The following WWC2 variants were observed in gnomAD, a reference collection of about 807,000 sequenced individuals.
WWC2 encodes the protein WW and C2 domain containing 2.
In WWC2, 101 loss-of-function variants were observed where a neutral mutation model predicts 138.5. The ratio of observed to expected loss-of-function variants is 0.73; its 90% CI spans 0.62 to 0.86. The LOEUF (loss-of-function observed/expected upper bound fraction) is 0.86. Ranked by LOEUF, WWC2 falls within the 40% of genes least tolerant of loss-of-function variation. The pLI is 0.00. For synonymous variants in WWC2, 558 were observed against 538.4 expected, an observed-to-expected ratio of 1.04 and a Z score of -0.50; for missense variants, 1,420 against 1,419.4, an observed-to-expected ratio of 1.00 and a Z score of -0.01.
chr4:183,225,836 G>C (rs1736055616), intron 4 of WWC2, among the ~76,000 whole-genome samples: 2 of 152,284 alleles, frequency 1.3e-5, no homozygotes, highest in South Asian at 4.1e-4. Context: ...ATGCTGTATT[G>C]GGGTGGGGAG....
At chr4:183,144,721 T>C (rs1157361367) in intron 1 of WWC2, among the ~76,000 whole-genome samples, 3 of 152,232 alleles carry the variant, frequency 2.0e-5, no homozygotes, top group Non-Finnish European at 2.9e-5. Flanking sequence ...TTCAGTAGTT[T>C]TCATACTCAT....
At chr4:183,235,740 G>A (rs990671543) in intron 4 of WWC2, among the ~76,000 whole-genome samples, 2 of 152,114 alleles carry the variant, frequency 1.3e-5, no homozygotes, top group Non-Finnish European at 2.9e-5. Context: ...TCTGTCAATG[G>A]ACATTTAGAG....
intron 1 of WWC2, among the ~76,000 whole-genome samples, chr4:183,130,265 GA>G (rs1435581207): frequency 6.6e-6 from 1 of 152,084 alleles, no homozygotes; most frequent in African/African-American, 2.4e-5. Context: ...TGTTAGCCAG[GA>G]TGGTCTTGAT....
chr4:183,148,462 G>T (rs1317003279), intron 1 of WWC2, among the ~76,000 whole-genome samples: 1 of 152,072 alleles, frequency 6.6e-6, no homozygotes, highest in Non-Finnish European at 1.5e-5. Flanking sequence ...ATCCATCTCT[G>T]ATTTTCTTGT....
intron 3 of WWC2, among the ~76,000 whole-genome samples, chr4:183,208,430 T>C (rs1735505349): frequency 6.6e-6 from 1 of 152,202 alleles, no homozygotes; most frequent in African/African-American, 2.4e-5. Context: ...AATTTTTACC[T>C]TTTCAGAACA....
intron 2 of WWC2, among the ~76,000 whole-genome samples, chr4:183,194,879 T>C (rs1490983061): frequency 6.6e-6 from 1 of 152,214 alleles, no homozygotes; most frequent in Non-Finnish European, 1.5e-5. Flanking sequence ...TCAACACAAA[T>C]ACAAATAATA....
At chr4:183,269,402 CTACCTTTTCACCACAGAAGAACTT>C in intron 15 of WWC2, 1 of 648,446 alleles carries the variant, frequency 1.5e-6, no homozygotes, top group Non-Finnish European at 2.9e-6. Context: ...CTTTCTATTT[CTACCTTTTCACCACAGAAGAACTT>C]TACCTTTGTG....
rs7685000 is a variant in WWC2, at chr4:183,191,791, G to A, written c.132-1808G>A. Among the ~76,000 whole-genome samples, 571 of 152,084 alleles carry A rather than the reference G, an allele frequency of 3.8e-3. 3 individuals are homozygous for A. Among genetic ancestry groups the A allele is most frequent in the African/African-American group, 0.013 (536 of 41,480 alleles). ...TGCCCAGGCTGGAATTCAGTGGTGC[G>A]ATCATGGCTCACTGCAGCCTTGAAC... is the stretch of plus-strand genomic sequence containing the variant. On this transcript the variant is annotated intron_variant, in intron 1 of 22. Transcript: ENST00000403733.
At chr4:183,113,008 C>T (rs190280389) in intron 1 of WWC2, among the ~76,000 whole-genome samples, 11 of 152,198 alleles carry the variant, frequency 7.2e-5, no homozygotes, top group African/African-American at 2.6e-4. Flanking sequence ...CACGGTGGCT[C>T]ATGCGTGTAA....
At position 183,276,972 on chromosome 4, in the gene WWC2, TTTATTATTA is replaced by T. The variant is rs200128539; in HGVS notation, c.2563-3787_2563-3779del. ...TTAGTTCATACAGCATCATTTCTTTTTTATTATTATTATTATTATTATTATACTTTAAGT... is the reference window on the plus strand; with the variant it reads ...TTAGTTCATACAGCATCATTTCTTTTTTATTATTATTATTATACTTTAAGT... On this transcript the variant is annotated intron_variant, in intron 16 of 22. Transcript: ENST00000403733. 8.2e-4 allele frequency among the ~76,000 whole-genome samples: 123 copies of T among 150,376 alleles called. 2 individuals are homozygous for T. The East Asian group carries it at 0.022, about 27-fold the overall frequency.
intron 1 of WWC2, among the ~76,000 whole-genome samples, chr4:183,168,487 A>G (rs1286926169): frequency 2.0e-5 from 3 of 151,948 alleles, no homozygotes; most frequent in African/African-American, 7.3e-5. Context: ...AAATGTCAAA[A>G]CTCTCCCAGC....
intron 2 of WWC2, among the ~76,000 whole-genome samples, chr4:183,198,064 G>A (rs1735192551): frequency 6.6e-6 from 1 of 152,154 alleles, no homozygotes; most frequent in South Asian, 2.1e-4. Flanking sequence ...AACTACTTGG[G>A]AGGCAGTTTG....
intron 21 of WWC2, among the ~76,000 whole-genome samples, chr4:183,292,093 G>A (rs1423763837): frequency 6.6e-6 from 1 of 151,940 alleles, no homozygotes; most frequent in African/African-American, 2.4e-5. Flanking sequence ...TTACTTGGAA[G>A]GCTGAGGTGG....
intron 1 of WWC2, among the ~76,000 whole-genome samples, chr4:183,143,950 G>T (rs1038195484): frequency 6.6e-6 from 1 of 152,150 alleles, no homozygotes; most frequent in African/African-American, 2.4e-5. Flanking sequence ...TGATGACTTT[G>T]TATGGTTTGA....
intron 1 of WWC2, among the ~76,000 whole-genome samples, chr4:183,167,883 G>A (rs1190522116): frequency 7.3e-6 from 1 of 136,198 alleles, no homozygotes; most frequent in Non-Finnish European, 1.5e-5. Flanking sequence ...TTGAGATGAT[G>A]TCTTGCTTTG....
At chr4:183,196,081 C>T (rs1213111646) in intron 2 of WWC2, among the ~76,000 whole-genome samples, 2 of 152,144 alleles carry the variant, frequency 1.3e-5, no homozygotes, top group Non-Finnish European at 2.9e-5. Flanking sequence ...TCCTCTCTCA[C>T]CACATAATGT....
Position 183,117,134 on chromosome 4 carries a change from C to T in WWC2, c.131+17512C>T, listed in dbSNP as rs1579953460. Among the ~76,000 whole-genome samples the T allele has an allele frequency of 4.0e-5, 6 of 151,592 alleles. No homozygotes were observed. In the South Asian group the frequency reaches 8.3e-4, roughly 21 times the overall value. ...CACTTCTGCATATCCCCTCCCTTTT[C>T]GAGACAAGTTGAACTGATCATGAAG... On this transcript the variant is annotated intron_variant, in intron 1 of 22. Transcript: ENST00000403733.
chr4:183,233,280 C>T (rs1736314650), intron 4 of WWC2, among the ~76,000 whole-genome samples: 1 of 150,700 alleles, frequency 6.6e-6, no homozygotes, highest in Admixed American at 6.6e-5. Context: ...CCTCTGCCTC[C>T]CAAATAGCTG....
At chr4:183,191,872 C>T (rs907596553) in intron 1 of WWC2, among the ~76,000 whole-genome samples, 3 of 151,960 alleles carry the variant, frequency 2.0e-5, no homozygotes, top group Non-Finnish European at 2.9e-5. Flanking sequence ...AGATTACAGG[C>T]ATGAGCCACA....
Sources: allele counts gnomAD v4.1 joint callset (sites outside exome capture counted in the v4.1 genomes callset), GRCh38; gene constraint gnomAD v4.1.1; transcripts MANE v1.5; gene names NCBI Gene and HGNC (gene_info 2026-07-23, HGNC 2026-07-21).